The following MYO9B variants were observed in gnomAD, a reference collection of about 807,000 sequenced individuals.
MYO9B encodes the protein myosin IXB.
In MYO9B, 71 loss-of-function variants were observed where a neutral mutation model predicts 229.5. That is an observed-to-expected ratio of 0.31 (90% CI 0.26 to 0.38). MYO9B has a LOEUF of 0.38. MYO9B is among the 10% of genes least tolerant of loss of function. The pLI is 1.00. For synonymous variants in MYO9B, 1,185 were observed against 1,235.8 expected (o/e 0.96, Z 0.86); for missense variants, 2,255 against 2,920.5 (o/e 0.77, Z 5.25).
chr19:17,153,374 T>G (rs1416537740), intron 4 of MYO9B, among the ~76,000 whole-genome samples: 1 of 140,346 alleles, frequency 7.1e-6, no homozygotes, highest in Admixed American at 7.4e-5. Flanking sequence ...GCTAGAGTCC[T>G]TGTCTCTTTT....
intron 11 of MYO9B, among the ~76,000 whole-genome samples, chr19:17,169,319 C>G (rs1161733802): frequency 3.0e-5 from 4 of 133,990 alleles, no homozygotes; most frequent in Non-Finnish European, 6.1e-5. Flanking sequence ...TTGCAGTGAG[C>G]GGAGATCACT....
At chr19:17,207,745 C>T (rs2073178400) in intron 35 of MYO9B, 1 of 152,210 alleles carries the variant, frequency 6.6e-6, no homozygotes. Context: ...GACGAGGTGG[C>T]TCACGCCTGT....
In MYO9B at chr19:17,144,839, G is replaced by A. The variant is rs188131555; in HGVS notation, c.841-558G>A. Among the ~76,000 whole-genome samples, 173 of 151,576 alleles carry A rather than the reference G, an allele frequency of 1.1e-3. 2 individuals carry two copies. Among genetic ancestry groups the A allele is most frequent in the South Asian group, 9.4e-3 (45 of 4,800 alleles). On this transcript the variant is annotated intron_variant, in intron 2 of 39. Coordinates refer to ENST00000682292, the MANE Select transcript of MYO9B (RefSeq NM_004145.4). The stretch of plus-strand genomic sequence containing the variant: ...CAAAAAATTGGCCAGGCGTGGCAGC[G>A]TGCGCCTGTAATCCCAGCCACTCGG...
chr19:17,164,855 T>A (rs781781148), intron 10 of MYO9B, among the ~76,000 whole-genome samples: 1 of 152,188 alleles, frequency 6.6e-6, no homozygotes, highest in Non-Finnish European at 1.5e-5. Context: ...CAGAATTAAG[T>A]TGTGCAGGAA....
chr19:17,194,446 C>T (rs946812746), intron 21 of MYO9B, 110 bp from the exon 22 acceptor site: 4 of 1,244,784 alleles, frequency 3.2e-6, no homozygotes, highest in African/African-American at 1.5e-5. Context: ...CCACTGGGCA[C>T]AGGCGAAGCC....
In MYO9B at chr19:17,194,788, C is replaced by A; in HGVS notation, c.3361C>A (p.Pro1121Thr). 1.9e-6 allele frequency: 3 copies of A among 1,613,322 alleles called. No homozygotes were observed. Among genetic ancestry groups the A allele is most frequent in the Non-Finnish European group, 2.5e-6 (3 of 1,179,880 alleles). Residue 1121 changes from proline to threonine, a missense_variant, in exon 22 of 40, where the codon CCA (proline) becomes ACA (threonine). Physicochemically the swap from Pro to Thr is conservative, Grantham distance 38. Transcript: ENST00000682292. ...LEHSSPEKEAPSPEKTLPPQK... is the reference protein window; with the variant it reads ...LEHSSPEKEATSPEKTLPPQK... Reference sequence around the variant, plus strand: ...GCACTCCTCACCTGAGAAGGAGGCCCCAAGCCCAGAGAAGACTCTCCCACC... The same window carrying A: ...GCACTCCTCACCTGAGAAGGAGGCCACAAGCCCAGAGAAGACTCTCCCACC...
At chr19:17,098,870 A>G (rs2057717006) in intron 1 of MYO9B, among the ~76,000 whole-genome samples, 7 of 151,134 alleles carry the variant, frequency 4.6e-5, no homozygotes, top group Admixed American at 3.3e-4. Context: ...AGGGAGATCA[A>G]GTCTGCAGTG....
At chr19:17,186,042 C>T (rs758719807) in intron 18 of MYO9B, 41 bp downstream of exon 18, 19 of 1,578,060 alleles carry the variant, frequency 1.2e-5, no homozygotes, top group South Asian at 4.4e-5. Flanking sequence ...AGGCCCATGC[C>T]GGACTCTTAG....
At position 17,148,370 on chromosome 19, in the gene MYO9B, C is replaced by T. The variant is rs538215092; in HGVS notation, c.935+2879C>T. On this transcript the variant is annotated intron_variant, in intron 3 of 39. Coordinates refer to ENST00000682292, the MANE Select transcript of MYO9B (RefSeq NM_004145.4). Reference sequence around the variant, plus strand: ...TAGGAGGGACTGCCATAACAGTGTACGACAAACCGTATGGCTGAAGCAACA... The same window carrying T: ...TAGGAGGGACTGCCATAACAGTGTATGACAAACCGTATGGCTGAAGCAACA... Among the ~76,000 whole-genome samples, 272 of 152,206 alleles carry T rather than the reference C, an allele frequency of 1.8e-3. 1 individual carries two copies. Among genetic ancestry groups the T allele is most frequent in the South Asian group, 2.9e-3 (14 of 4,824 alleles).
At chr19:17,087,689 G>A (rs995023849) in intron 1 of MYO9B, among the ~76,000 whole-genome samples, 1 of 151,916 alleles carries the variant, frequency 6.6e-6, no homozygotes, top group African/African-American at 2.4e-5. Context: ...CAATACTTTG[G>A]GAGGCCGAGG....
chr19:17,211,052 C>T (rs896586370), intron 38 of MYO9B, among the ~76,000 whole-genome samples: 2 of 137,668 alleles, frequency 1.5e-5, no homozygotes, highest in Admixed American at 8.4e-5. Flanking sequence ...GGTGCTATCT[C>T]GGCTCACTGC....
Position 17,210,799 on chromosome 19 carries a change from C to A in MYO9B, c.5881C>A (p.Arg1961=). ...EEEAAGGDED[R]EKEILIERIQ... is the part of the protein sequence containing the mutation. ...GGAGGCAGCCGGCGGCGATGAGGAC[C>A]GGGAAAAGGAGATTCTCATTGAACG... The change falls in exon 38 of 40, where the codon CGG becomes AGG. Residue 1961 remains arginine (R), a synonymous_variant. Coordinates refer to ENST00000682292, the MANE Select transcript of MYO9B (RefSeq NM_004145.4). The A allele has an allele frequency of 6.3e-7, 1 of 1,594,678 alleles. No individual in the cohort carries two copies. The highest frequency in any genetic ancestry group is 8.5e-7 in the Non-Finnish European group (1 of 1,171,214).
chr19:17,190,644 A>G (rs913622200), intron 19 of MYO9B, among the ~76,000 whole-genome samples: 2 of 150,822 alleles, frequency 1.3e-5, no homozygotes, highest in Non-Finnish European at 3.0e-5. Context: ...TCTCAAAAAA[A>G]AAAAAAAACA....
intron 14 of MYO9B, 22 bp from the exon 15 acceptor site, chr19:17,180,904 GC>G: frequency 6.6e-7 from 1 of 1,511,260 alleles, no homozygotes; most frequent in Non-Finnish European, 9.1e-7. Context: ...CTGTCACTGC[GC>G]CCCCTCCACC....
intron 1 of MYO9B, among the ~76,000 whole-genome samples, chr19:17,077,928 C>T (rs1259124451): frequency 6.6e-6 from 1 of 152,184 alleles, no homozygotes. Flanking sequence ...TTGGAAACTG[C>T]AAATTTCTGG....
intron 1 of MYO9B, among the ~76,000 whole-genome samples, chr19:17,082,032 G>A (rs1469842552): frequency 6.6e-6 from 1 of 152,052 alleles, no homozygotes; most frequent in Non-Finnish European, 1.5e-5. Flanking sequence ...CTACACTCTT[G>A]GACCCAAGTG....
Position 17,212,367 on chromosome 19 carries a change from C to T in MYO9B, c.*57C>T, listed in dbSNP as rs1030364528. The T allele has an allele frequency of 4.0e-5, 56 of 1,411,420 alleles. No individual in the cohort carries two copies. Among genetic ancestry groups the T allele is most frequent in the Admixed American group, 1.9e-4 (6 of 31,432 alleles). 87.4% of individuals were successfully genotyped at this position (1,411,420 alleles called of 1,614,324 possible). ...GGACGGCCCCTGCACTGGAGCTGGG[C>T]GCCAGAGCTGCAGAGCTAGTGTTCG... On this transcript the variant is annotated 3_prime_UTR_variant, in exon 40 of 40. Coordinates refer to ENST00000682292, the MANE Select transcript of MYO9B (RefSeq NM_004145.4). This position sits in a 1 kb window ranked among gnomAD's most constrained non-coding sequence, Gnocchi z 5.4.
chr19:17,179,079 G>A (rs2145394278), intron 14 of MYO9B, among the ~76,000 whole-genome samples: 1 of 149,858 alleles, frequency 6.7e-6, no homozygotes, highest in Admixed American at 6.7e-5. Flanking sequence ...CACTGTGCCA[G>A]ATCATTCTCT....
At position 17,147,542 on chromosome 19, in the gene MYO9B, CAAA is replaced by C. The variant is rs71334674; in HGVS notation, c.935+2068_935+2070del. On this transcript the variant is annotated intron_variant, in intron 3 of 39. Coordinates refer to ENST00000682292, the MANE Select transcript of MYO9B (RefSeq NM_004145.4). ...CTGGGTGACGAGCGAAAGTCCATCTCAAAAAAAAAAAAAAAAAAACCCAACAAC... is the reference window on the plus strand; with the variant it reads ...CTGGGTGACGAGCGAAAGTCCATCTCAAAAAAAAAAAAAAAACCCAACAAC... Among the ~76,000 whole-genome samples, 43 of 64,354 alleles carry C rather than the reference CAAA, an allele frequency of 6.7e-4. 1 individual carries two copies. Among genetic ancestry groups the C allele is most frequent in the Middle Eastern group, 7.9e-3 (1 of 126 alleles). The allele number at this position is 64,354 out of a possible 152,430, so 42.2% of individuals were successfully genotyped here. A position where few individuals can be genotyped will look rare whatever the true frequency, so the allele number is the denominator to read the frequency against.
Sources: allele counts gnomAD v4.1 joint callset (sites outside exome capture counted in the v4.1 genomes callset), GRCh38; gene constraint gnomAD v4.1.1; non-coding constraint Gnocchi (gnomAD v3.1); transcripts MANE v1.5; gene names NCBI Gene and HGNC (gene_info 2026-07-23, HGNC 2026-07-21).